MTERF4: variants seen among roughly 807,000 people sequenced by gnomAD.
MTERF4 encodes the protein mitochondrial transcription termination factor 4, also known as transcription termination factor 4, mitochondrial.
In MTERF4, 17 loss-of-function variants were observed where a neutral mutation model predicts 22.5. That is an observed-to-expected ratio of 0.75 (90% confidence interval 0.52 to 1.13). The LOEUF (loss-of-function observed/expected upper bound fraction) is 1.13. Among genes scored for constraint, MTERF4 ranks in the 50% most tolerant of loss-of-function variants. The pLI, the probability that MTERF4 is intolerant of heterozygous loss-of-function variation, is 0.00. For missense variants in MTERF4, 420 were observed against 466.8 expected (o/e 0.90, Z 0.92); for synonymous variants, 165 against 175.3 (o/e 0.94, Z 0.47).
chr2:241,065,598 G>T, the MTERF4 span: 1 of 1,609,870 alleles, frequency 6.2e-7, no homozygotes, highest in Non-Finnish European at 8.5e-7. Flanking sequence ...CCGCACGCGT[G>T]AGTGTCCCCG....
the MTERF4 span, among the ~76,000 whole-genome samples, chr2:241,057,791 T>C: frequency 5.3e-5 from 8 of 152,140 alleles, no homozygotes; most frequent in Admixed American, 2.6e-4. Context: ...CAAACACAGC[T>C]TCAGAGGCTT....
chr2:241,074,272 A>T (rs963409086), exon 5 of MTERF4: 1 of 126,440 alleles, frequency 7.9e-6, no homozygotes, highest in African/African-American at 3.8e-5. Flanking sequence ...GTTTCGCTGA[A>T]CCCTAAGTTC....
At chr2:241,089,322 G>C, downstream of MTERF4, 1 of 1,550,438 alleles carries the variant, frequency 6.4e-7, no homozygotes, top group Non-Finnish European at 8.7e-7. Flanking sequence ...AGGCACCCTT[G>C]GGTAACAAGC....
chr2:241,071,112 C>T (rs2062690952), downstream of MTERF4, among the ~76,000 whole-genome samples: 1 of 152,186 alleles, frequency 6.6e-6, no homozygotes, highest in African/African-American at 2.4e-5. Flanking sequence ...GCCTGGGAGG[C>T]TGAAGGACGC....
Position 241,075,943 on chromosome 2 carries a change from C to T in MTERF4, n.480-261G>A, listed in dbSNP as rs910262237. ...TTCATCTCTTCATGCTAAAAAGTCC[C>T]TTTTTCCCCCACTGTCAGTATCAAA... On this transcript the variant is annotated intron_variant and non_coding_transcript_variant, in intron 4 of 4. Coordinates refer to the MTERF4 transcript ENST00000464344. The surrounding 1 kb of genome is among the most constrained non-coding windows in gnomAD (Gnocchi z 4.8). 6.6e-6 allele frequency among the ~76,000 whole-genome samples: 1 copy of T among 152,074 alleles called. No homozygotes were observed. The highest frequency in any genetic ancestry group is 1.5e-5 in the Non-Finnish European group (1 of 68,016).
chr2:241,099,975 ACTTACTGC>A, intron 1 of MTERF4, 81 bp from the exon 2 acceptor site: 1 of 1,493,504 alleles, frequency 6.7e-7, no homozygotes, highest in South Asian at 1.3e-5. Context: ...GAGCCAGAGT[ACTTACTGC>A]CTTGGTTCCA....
downstream of MTERF4, chr2:241,089,054 AC>A (rs2125339363): frequency 2.5e-6 from 1 of 400,708 alleles, no homozygotes; most frequent in Non-Finnish European, 4.5e-6. Context: ...TGGCAACCAA[AC>A]CCCATCCTGC....
the MTERF4 span, chr2:241,065,629 G>A: frequency 6.3e-7 from 1 of 1,593,386 alleles, no homozygotes; most frequent in Non-Finnish European, 8.6e-7. Flanking sequence ...TCCCTGCCCA[G>A]CCCCTGCCCC....
At chr2:241,093,391 T>A (rs1453791772), downstream of MTERF4, 1 of 152,692 alleles carries the variant, frequency 6.5e-6, no homozygotes, top group Non-Finnish European at 1.5e-5. Flanking sequence ...AACTTTCTAC[T>A]CCCTACTAGG....
In MTERF4 at chr2:241,096,033, T is replaced by C. The variant is rs761308237; in HGVS notation, c.1111A>G (p.Asn371Asp). 6.2e-7 allele frequency: 1 copy of C among 1,613,296 alleles called. No individual in the cohort carries two copies. Among genetic ancestry groups the C allele is most frequent in the South Asian group, 1.1e-5 (1 of 91,056 alleles). Residue 371 changes from asparagine to aspartate, a missense_variant, in exon 4 of 4, where the codon AAT (asparagine) becomes GAT (aspartate). Coordinates refer to ENST00000391980, the MANE Select transcript of MTERF4 (RefSeq NM_182501.4). The surrounding 1 kb of genome is among the most constrained non-coding windows in gnomAD (Gnocchi z 5.1). ...DDEDDDEAED[N>D]DEDEDDDEEE Reference sequence around the variant, plus strand: ...TCGTCGTCGTCCTCATCCTCATCATTGTCCTCCGCCTCGTCGTCGTCCTCA... The same window carrying C: ...TCGTCGTCGTCCTCATCCTCATCATCGTCCTCCGCCTCGTCGTCGTCCTCA...
At chr2:241,047,322 T>C in the MTERF4 span, among the ~76,000 whole-genome samples, 1 of 152,176 alleles carries the variant, frequency 6.6e-6, no homozygotes, top group South Asian at 2.1e-4. Flanking sequence ...ACTCTAGATA[T>C]ACTTGTACCT....
chr2:241,052,986 C>T, the MTERF4 span, among the ~76,000 whole-genome samples: 404 of 152,258 alleles, frequency 2.7e-3, 4 homozygotes, highest in African/African-American at 9.3e-3. Context: ...AAGAAGGAAA[C>T]GTATCACGGC....
chr2:241,069,164 T>A, downstream of MTERF4: 3 of 616,436 alleles, frequency 4.9e-6, 1 homozygote, highest in South Asian at 6.0e-5. This position sits in a 1 kb window ranked among gnomAD's most constrained non-coding sequence, Gnocchi z 4.9. Context: ...TCTCTTCCGC[T>A]GGGGCCACTG....
chr2:241,094,093 G>A, downstream of MTERF4: 1 of 348,624 alleles, frequency 2.9e-6, no homozygotes, highest in Non-Finnish European at 5.7e-6. This position sits in a 1 kb window ranked among gnomAD's most constrained non-coding sequence, Gnocchi z 4.3. Context: ...TGAAAACACT[G>A]GCACAGTGAA....
chr2:241,054,579 G>T, the MTERF4 span, among the ~76,000 whole-genome samples: 1 of 152,082 alleles, frequency 6.6e-6, no homozygotes, highest in African/African-American at 2.4e-5. Context: ...TACAAAAAAA[G>T]AAAATGGATT....
chr2:241,083,850 T>C (rs1381280960), downstream of MTERF4, among the ~76,000 whole-genome samples: 3 of 152,126 alleles, frequency 2.0e-5, no homozygotes, highest in African/African-American at 4.8e-5. Context: ...ATTTAGACCA[T>C]TTACTACCTT....
At chr2:241,072,694 G>C (rs1048067840) in exon 5 of MTERF4, 2 of 197,262 alleles carry the variant, frequency 1.0e-5, no homozygotes, top group Non-Finnish European at 2.1e-5. Flanking sequence ...CTGAGGAGAG[G>C]GCAGGCAGCT....
downstream of MTERF4, chr2:241,087,432 A>G (rs1232958089): frequency 2.5e-6 from 4 of 1,604,672 alleles, no homozygotes; most frequent in Non-Finnish European, 3.4e-6. Context: ...CATCTGCTTC[A>G]AAGAGAGCTG....
In MTERF4 at chr2:241,099,593, TG is replaced by T. The variant is rs773669556; in HGVS notation, c.322del (p.His108IlefsTer29). On this transcript the variant is annotated frameshift_variant, in exon 2 of 4. Coordinates refer to ENST00000391980, the MANE Select transcript of MTERF4 (RefSeq NM_182501.4). LOFTEE classifies it high-confidence loss of function. ...CCGTACACTGAGCAATTCATTAATATGGGCATTGCTGAAACCCATGTCCAGG... is the reference window on the plus strand; with the variant it reads ...CCGTACACTGAGCAATTCATTAATATGGCATTGCTGAAACCCATGTCCAGG... ...SLLDMGFSNA[H>X]INELLSVRRG... 5 of 1,614,116 alleles carry T rather than the reference TG, an allele frequency of 3.1e-6. No homozygotes were observed. The African/African-American group carries it at 6.7e-5, about 22-fold the overall frequency.
Sources: gnomAD v4.1 joint callset for allele counts (sites outside exome capture counted in the v4.1 genomes callset) on GRCh38, gnomAD v4.1.1 for gene constraint, Gnocchi (gnomAD v3.1) non-coding constraint, MANE v1.5 for transcripts, NCBI Gene and HGNC (gene_info 2026-07-23, HGNC 2026-07-21) for gene names.